The following NUP205 variants were observed in gnomAD, a reference collection of about 807,000 sequenced individuals.
NUP205 encodes the protein nuclear pore complex protein Nup205.
NUP205 carries 76 observed loss-of-function variants against 253.8 expected under a neutral mutation model. That is an observed-to-expected ratio of 0.30 (90% CI 0.25 to 0.36). The LOEUF (loss-of-function observed/expected upper bound fraction) is 0.36. Ranked by LOEUF, NUP205 falls within the 10% of genes least tolerant of loss-of-function variation. The pLI is 1.00. For synonymous variants in NUP205, 832 were observed against 850.1 expected (o/e 0.98, Z 0.37); for missense variants, 2,162 against 2,425.5 (o/e 0.89, Z 2.28).
Position 135,648,570 on chromosome 7 carries a change from T to A in NUP205, c.*14T>A, listed in dbSNP as rs932389351. ...TCAAGGAACTGAGAGCCCGTGCTTA[T>A]GCTCTTCTATGAGAGAGATGAATTG... On this transcript the variant is annotated 3_prime_UTR_variant, in exon 43 of 43. Coordinates refer to ENST00000285968, the MANE Select transcript of NUP205 (RefSeq NM_015135.3). The A allele has an allele frequency of 1.2e-5, 18 of 1,523,210 alleles. No homozygotes were observed. Among genetic ancestry groups the A allele is most frequent in the Non-Finnish European group, 1.6e-5 (18 of 1,139,378 alleles). 94.4% of individuals were successfully genotyped at this position (1,523,210 alleles called of 1,614,324 possible).
rs147285807 is a variant in NUP205, at chr7:135,618,495, G to T, written c.3855G>T (p.Ser1285=). The T allele has an allele frequency of 2.5e-5, 40 of 1,614,062 alleles. No homozygotes were observed. The Middle Eastern group carries it at 8.2e-4, about 33-fold the overall frequency. The change falls in exon 28 of 43, where the codon TCG becomes TCT. Residue 1285 remains serine, a synonymous_variant. Coordinates refer to ENST00000285968, the MANE Select transcript of NUP205 (RefSeq NM_015135.3). ...ATGCAAAACGTCATGCTCTGGAGTCGTGGAGGCAACTAGTAGAAATTATAC... is the reference window on the plus strand; with the variant it reads ...ATGCAAAACGTCATGCTCTGGAGTCTTGGAGGCAACTAGTAGAAATTATAC... ...CLHAKRHALE[S]WRQLVEIILT...
chr7:135,591,176 T>A (rs532273210), intron 10 of NUP205, among the ~76,000 whole-genome samples: 23 of 152,376 alleles, frequency 1.5e-4, no homozygotes, highest in Non-Finnish European at 2.5e-4. Flanking sequence ...ACATGTCTTA[T>A]ATTTTTAAAA....
chr7:135,634,239 T>C (rs1468022739), intron 35 of NUP205, among the ~76,000 whole-genome samples: 1 of 152,174 alleles, frequency 6.6e-6, no homozygotes, highest in Non-Finnish European at 1.5e-5. Flanking sequence ...CTCACAGATA[T>C]TCTGAAAAGT....
chr7:135,638,628 G>A lies in NUP205; in HGVS notation c.5337G>A (p.Val1779=), dbSNP rs369279840. ...GTTCCCCTACCTTCCAGCATGCTGT[G>A]TGTCTCTTCACTCCTAGCCTTTCAG... ...LQSSPTFQHA[V]CLFTPSLSET... The change falls in exon 38 of 43, where the codon GTG becomes GTA. Residue 1779 remains valine (V), a synonymous_variant. Coordinates refer to ENST00000285968, the MANE Select transcript of NUP205 (RefSeq NM_015135.3). The A allele has an allele frequency of 7.3e-5, 118 of 1,613,896 alleles. No homozygotes were observed. Among genetic ancestry groups the A allele is most frequent in the Admixed American group, 2.2e-4 (13 of 59,982 alleles).
intron 8 of NUP205, among the ~76,000 whole-genome samples, chr7:135,586,033 T>A (rs947145792): frequency 1.3e-5 from 2 of 152,220 alleles, no homozygotes; most frequent in Middle Eastern, 6.8e-3. Context: ...TGTGCTGTTT[T>A]GTGCCAAAGA....
chr7:135,576,647 G>A (rs988188688), intron 4 of NUP205, among the ~76,000 whole-genome samples: 2 of 152,100 alleles, frequency 1.3e-5, no homozygotes, highest in African/African-American at 4.8e-5. Flanking sequence ...AAAGTGCTGG[G>A]ATTACAGATT....
Position 135,593,203 on chromosome 7 carries a change from C to T in NUP205, c.1830+11C>T. 1 of 1,608,578 alleles carries T rather than the reference C, an allele frequency of 6.2e-7. No homozygotes were observed. Among genetic ancestry groups the T allele is most frequent in the African/African-American group, 1.3e-5 (1 of 74,884 alleles). On this transcript the variant is annotated intron_variant, in intron 12 of 42. Transcript: ENST00000285968. ...ACCATCATTACTTGGGTAGGTAACT[C>T]ATCCCCAGCATAATTTTATTTTTAT... is the stretch of plus-strand genomic sequence containing the variant.
chr7:135,601,363 T>C lies in NUP205; in HGVS notation c.2375-7T>C. On this transcript the variant is annotated splice_polypyrimidine_tract_variant and splice_region_variant and intron_variant, in intron 16 of 42. Transcript: ENST00000285968. The stretch of plus-strand genomic sequence containing the variant: ...TCATCTCTTGGAATATGTTATGTTC[T>C]ATTTAGGAGAAGAAATCATAGCCTA... 1 of 1,610,168 alleles carries C rather than the reference T, an allele frequency of 6.2e-7. No individual in the cohort carries two copies. Among genetic ancestry groups the C allele is most frequent in the Non-Finnish European group, 8.5e-7 (1 of 1,178,232 alleles).
chr7:135,646,358 T>C, intron 42 of NUP205, 127 bp downstream of exon 42: 1 of 706,632 alleles, frequency 1.4e-6, no homozygotes, highest in East Asian at 2.7e-5. Context: ...AGCCCAGGAG[T>C]TTGAGAGCAG....
rs1793867690 is a variant in NUP205, at chr7:135,597,425, T to G, written c.2064+7T>G. ...GCAAGCTATTGGTATTGAGGTAAAG[T>G]TTTCCTTTTAGTTTAAATGTTAATT... On this transcript the variant is annotated splice_region_variant and intron_variant, in intron 14 of 42. Coordinates refer to ENST00000285968, the MANE Select transcript of NUP205 (RefSeq NM_015135.3). The G allele has an allele frequency of 6.3e-7, 1 of 1,591,514 alleles. No homozygotes were observed. The highest frequency in any genetic ancestry group is 8.6e-7 in the Non-Finnish European group (1 of 1,159,430).
chr7:135,648,303 C>A, intron 42 of NUP205, 101 bp from the exon 43 acceptor site: 1 of 974,350 alleles, frequency 1.0e-6, no homozygotes, highest in Non-Finnish European at 1.4e-6. Flanking sequence ...TTGAAAGAAC[C>A]ACATTACAAA....
rs1351435100 is a variant in NUP205, at chr7:135,609,693, C to T, written c.3195+2322C>T. On this transcript the variant is annotated intron_variant, in intron 22 of 42. Transcript: ENST00000285968. The stretch of plus-strand genomic sequence containing the variant: ...ATCACTAACCTCTTAGTGTTACTGG[C>T]ATGGATATTTTTCTTTGTTAATCTC... 2.6e-5 allele frequency among the ~76,000 whole-genome samples: 4 copies of T among 152,014 alleles called. No homozygotes were observed. In the East Asian group the frequency reaches 5.8e-4, roughly 22 times the overall value.
intron 1 of NUP205, among the ~76,000 whole-genome samples, chr7:135,567,134 A>ATATATATATC (rs1805793834): frequency 7.9e-5 from 1 of 12,582 alleles, no homozygotes; most frequent in Non-Finnish European, 2.1e-4. Flanking sequence ...GTGTGTATAT[A>ATATATATATC]TATATATATA....
rs1199875425 is a variant in NUP205 at position 135,576,369 on chromosome 7, C to T, written c.443C>T (p.Ala148Val). ...GKRCIANSLK[A>V]LIQSRRGKTW... is the part of the protein sequence containing the mutation. ...CGATGCATTGCGAATTCCTTGAAAGCCTTGATACAGTCTAGACGGGGAAAG... is the reference window on the plus strand; with the variant it reads ...CGATGCATTGCGAATTCCTTGAAAGTCTTGATACAGTCTAGACGGGGAAAG... The change falls in exon 4 of 43, where the codon GCC becomes GTC. Residue 148 changes from alanine (A) to valine (V), a missense_variant. Transcript: ENST00000285968. 1 of 1,613,874 alleles carries T rather than the reference C, an allele frequency of 6.2e-7. No individual in the cohort carries two copies. Among genetic ancestry groups the T allele is most frequent in the Non-Finnish European group, 8.5e-7 (1 of 1,179,864 alleles).
chr7:135,596,243 C>T (rs1217364414), intron 13 of NUP205, among the ~76,000 whole-genome samples: 2 of 152,170 alleles, frequency 1.3e-5, no homozygotes, highest in African/African-American at 4.8e-5. Flanking sequence ...CAGAAGCAAC[C>T]ATTTTGAAGC....
At chr7:135,610,539 C>T (rs986094139) in intron 22 of NUP205, among the ~76,000 whole-genome samples, 11 of 152,106 alleles carry the variant, frequency 7.2e-5, no homozygotes, top group Admixed American at 6.5e-4. Flanking sequence ...GCTCTGTGAC[C>T]TTGCTACTCA....
intron 7 of NUP205, among the ~76,000 whole-genome samples, chr7:135,579,902 T>G (rs887560585): frequency 2.6e-5 from 4 of 152,224 alleles, no homozygotes; most frequent in African/African-American, 9.6e-5. Flanking sequence ...TGCTTTGGCC[T>G]CCCAGAGTGT....
chr7:135,638,140 T>G (rs1794850369), intron 37 of NUP205, 81 bp downstream of exon 37: 4 of 1,464,032 alleles, frequency 2.7e-6, no homozygotes, highest in Non-Finnish European at 2.8e-6. Flanking sequence ...CCTGGTGCGG[T>G]GGCTCACGCC....
chr7:135,631,148 C>A (rs1172661871), intron 35 of NUP205, among the ~76,000 whole-genome samples: 3 of 151,944 alleles, frequency 2.0e-5, no homozygotes, highest in South Asian at 4.2e-4. Context: ...AATAGGATGA[C>A]CTTTTACATG....
Sources: allele counts gnomAD v4.1 joint callset (sites outside exome capture counted in the v4.1 genomes callset), GRCh38; gene constraint gnomAD v4.1.1; transcripts MANE v1.5; gene names NCBI Gene and HGNC (gene_info 2026-07-23, HGNC 2026-07-21).